Variants in TAB2 observed in about 807,000 individuals in gnomAD.
TAB2 encodes TGF-beta-activated kinase 1 and MAP3K7-binding protein 2.
TAB2 carries 3 observed loss-of-function variants against 65.0 expected under a neutral mutation model. That is an observed-to-expected ratio of 0.05 (90% CI 0.02 to 0.12). The LOEUF (loss-of-function observed/expected upper bound fraction) is 0.12, where lower values mean the gene tolerates loss of function less well. Among genes scored for constraint, TAB2 ranks in the 10% least tolerant of loss-of-function variants. The probability of loss-of-function intolerance (pLI) is 1.00; values close to 1 mark genes in which losing one functional copy is unlikely to be tolerated. For missense variants in TAB2, 623 were observed against 840.3 expected, an observed-to-expected ratio of 0.74 and a Z score of 3.20; for synonymous variants, 298 against 285.1, an observed-to-expected ratio of 1.05 and a Z score of -0.46.
intron 2 of TAB2, among the ~76,000 whole-genome samples, chr6:149,370,302 TGTAGA>T (rs1370957771): frequency 6.6e-6 from 1 of 152,194 alleles, no homozygotes; most frequent in East Asian, 1.9e-4. Flanking sequence ...ATACTTGACT[TGTAGA>T]GTAGATGTGA....
intron 1 of TAB2, among the ~76,000 whole-genome samples, chr6:149,329,688 G>C (rs1319023773): frequency 6.6e-6 from 1 of 151,060 alleles, no homozygotes; most frequent in Non-Finnish European, 1.5e-5. Flanking sequence ...GTTGGGGGGT[G>C]GAAGTAGGGT....
intron 1 of TAB2, among the ~76,000 whole-genome samples, chr6:149,272,216 T>A (rs1404911376): frequency 6.6e-6 from 1 of 152,198 alleles, no homozygotes; most frequent in Non-Finnish European, 1.5e-5. Flanking sequence ...GCAATTTGGC[T>A]CCCCAGATGG....
intron 1 of TAB2, among the ~76,000 whole-genome samples, chr6:149,335,889 A>C (rs575406770): frequency 1.3e-5 from 2 of 152,186 alleles, no homozygotes; most frequent in South Asian, 4.1e-4. Flanking sequence ...TATTATGTAT[A>C]TTGTGTGTAG....
At position 149,371,901 on chromosome 6, in the gene TAB2, A is replaced by G. The variant is rs117265813; in HGVS notation, c.102+1802A>G. 3.3e-3 allele frequency among the ~76,000 whole-genome samples: 499 copies of G among 152,314 alleles called. 1 individual carries two copies. The highest frequency in any genetic ancestry group is 4.2e-3 in the Non-Finnish European group (286 of 68,008). On this transcript the variant is annotated intron_variant, in intron 2 of 6. Transcript: ENST00000637181. ...AAAAGAAAGTGTGGGAAAGGAGCGGAGATAGTGGGGAAAAATAGTCTCCCC... is the reference window on the plus strand; with the variant it reads ...AAAAGAAAGTGTGGGAAAGGAGCGGGGATAGTGGGGAAAAATAGTCTCCCC...
At position 149,379,198 on chromosome 6, in the gene TAB2, T is replaced by C; in HGVS notation, c.1283T>C (p.Met428Thr). Residue 428 changes from methionine (M) to threonine (T), a missense_variant, in exon 3 of 7, where the codon ATG becomes ACG. Met to Thr is a moderately conservative substitution (Grantham distance 81). Transcript: ENST00000637181. ...ASRNMSGQVS[M>T]GPAFIHHHPP... ...AGGAACATGTCTGGGCAAGTGAGCA[T>C]GGGTCCTGCCTTTATTCATCACCAT... The C allele has an allele frequency of 1.9e-6, 3 of 1,614,228 alleles. No individual in the cohort carries two copies. Among genetic ancestry groups the C allele is most frequent in the Non-Finnish European group, 2.5e-6 (3 of 1,180,042 alleles).
intron 1 of TAB2, among the ~76,000 whole-genome samples, chr6:149,319,987 A>G (rs964994194): frequency 2.6e-5 from 4 of 152,204 alleles, no homozygotes; most frequent in Non-Finnish European, 4.4e-5. Context: ...AATCACACCT[A>G]TGCTTGGTCC....
intron 1 of TAB2, among the ~76,000 whole-genome samples, chr6:149,256,313 T>A (rs1778033102): frequency 6.6e-6 from 1 of 152,178 alleles, no homozygotes; most frequent in African/African-American, 2.4e-5. Context: ...ATTAGAATTG[T>A]ATGGGTGGAA....
chr6:149,261,207 T>G (rs1778146304), intron 1 of TAB2, among the ~76,000 whole-genome samples: 1 of 152,240 alleles, frequency 6.6e-6, no homozygotes, highest in Admixed American at 6.5e-5. Flanking sequence ...ATTTGAAATT[T>G]TTCAGAGTTC....
chr6:149,388,934 GA>G (rs1781889934), intron 3 of TAB2, among the ~76,000 whole-genome samples: 1 of 146,662 alleles, frequency 6.8e-6, no homozygotes, highest in South Asian at 2.2e-4. Context: ...CCAAGATTTT[GA>G]AAAAAGAATA....
At chr6:149,357,381 A>G (rs1461535990) in intron 1 of TAB2, among the ~76,000 whole-genome samples, 8 of 147,226 alleles carry the variant, frequency 5.4e-5, no homozygotes, top group Admixed American at 4.9e-4. Flanking sequence ...GTGCCACTAC[A>G]CTCCAGCCTG....
At chr6:149,274,426 C>T (rs1441150662) in intron 1 of TAB2, among the ~76,000 whole-genome samples, 1 of 152,158 alleles carries the variant, frequency 6.6e-6, no homozygotes, top group African/African-American at 2.4e-5. Context: ...ATGGGAGGAG[C>T]CATACTGAAA....
At chr6:149,255,484 A>C (rs1778004922) in intron 1 of TAB2, 1 of 152,246 alleles carries the variant, frequency 6.6e-6, no homozygotes, top group Non-Finnish European at 1.5e-5. Flanking sequence ...TATTCTAAAA[A>C]TATTCATAAG....
intron 1 of TAB2, among the ~76,000 whole-genome samples, chr6:149,344,119 T>C (rs183334453): frequency 6.6e-6 from 1 of 152,368 alleles, no homozygotes; most frequent in African/African-American, 2.4e-5. Flanking sequence ...TAAAGAATTA[T>C]GTGTCACTGA....
intron 1 of TAB2, among the ~76,000 whole-genome samples, chr6:149,264,923 C>T (rs1194302647): frequency 2.0e-5 from 3 of 152,214 alleles, no homozygotes; most frequent in African/African-American, 7.2e-5. Flanking sequence ...CGTGTGGCCA[C>T]GTTTCCAGGG....
upstream of TAB2, among the ~76,000 whole-genome samples, chr6:149,313,381 A>G (rs57780887): frequency 0.013 from 2,011 of 152,128 alleles, 38 homozygotes; most frequent in African/African-American, 0.046. Flanking sequence ...TCTGTACAAT[A>G]CATGGCCCAG....
chr6:149,342,777 C>T (rs1403960820), intron 1 of TAB2: 1 of 152,096 alleles, frequency 6.6e-6, no homozygotes. Flanking sequence ...TTGTAAGCTG[C>T]AAAAATGGCA....
intron 1 of TAB2, among the ~76,000 whole-genome samples, chr6:149,279,174 T>G (rs6904464): frequency 0.52 from 79,133 of 151,984 alleles, 22,933 homozygotes; most frequent in African/African-American, 0.78. Context: ...TTGCCAAACC[T>G]TACTGGAGAG....
chr6:149,287,809 G>A (rs1469295255), intron 1 of TAB2, among the ~76,000 whole-genome samples: 2 of 152,138 alleles, frequency 1.3e-5, no homozygotes, highest in East Asian at 3.9e-4. Context: ...TTGCTCAAGT[G>A]GATTCATAAA....
At chr6:149,253,958 A>G (rs59781738) in intron 1 of TAB2, among the ~76,000 whole-genome samples, 5,363 of 74,738 alleles carry the variant, frequency 0.072, 216 homozygotes, top group Non-Finnish European at 0.085. Flanking sequence ...GAAAGAAAGA[A>G]AAAGAAAGAA....
Sources: allele counts gnomAD v4.1 joint callset (sites outside exome capture counted in the v4.1 genomes callset), GRCh38; gene constraint gnomAD v4.1.1; transcripts MANE v1.5; gene names NCBI Gene and HGNC (gene_info 2026-07-23, HGNC 2026-07-21).